Variants in ANKS1B observed in about 807,000 individuals in gnomAD.
ANKS1B encodes ankyrin repeat and sterile alpha motif domain-containing protein 1B.
ANKS1B carries 36 observed loss-of-function variants against 148.3 expected under a neutral mutation model. The observed-to-expected ratio is 0.24, with a 90% CI of 0.19 to 0.32. The LOEUF (loss-of-function observed/expected upper bound fraction) is 0.32. ANKS1B is among the 10% of genes least tolerant of loss of function. ANKS1B has a pLI of 1.00. For missense variants in ANKS1B, 1,157 were observed against 1,542.6 expected (o/e 0.75, Z 4.19); for synonymous variants, 542 against 560.8 (o/e 0.97, Z 0.47).
intron 17 of ANKS1B, among the ~76,000 whole-genome samples, chr12:98,854,116 C>T (rs1434616744): frequency 6.6e-6 from 1 of 152,212 alleles, no homozygotes; most frequent in African/African-American, 2.4e-5. Context: ...TATTCCTCAA[C>T]TTTGGAGTAG....
chr12:99,329,453 T>C lies in ANKS1B; in HGVS notation c.1756+70178A>G, dbSNP rs2087078479. 3.3e-5 allele frequency among the ~76,000 whole-genome samples: 5 copies of C among 151,896 alleles called. No individual in the cohort carries two copies. The South Asian group carries it at 8.3e-4, about 25-fold the overall frequency. On this transcript the variant is annotated intron_variant, in intron 12 of 26. Coordinates refer to ENST00000683438, the MANE Select transcript of ANKS1B (RefSeq NM_001352186.2). ...GCATCTGATCCTTGAGATATATTCC[T>C]TGAAATGAGTTTACAGGGTAAGGTT...
intron 1 of ANKS1B, among the ~76,000 whole-genome samples, chr12:99,933,273 G>A (rs971279008): frequency 6.6e-6 from 1 of 151,936 alleles, no homozygotes; most frequent in African/African-American, 2.4e-5. Flanking sequence ...TAAATTTTAG[G>A]ATTATTTTTT....
chr12:99,120,093 C>T (rs898246219), intron 15 of ANKS1B, among the ~76,000 whole-genome samples: 5 of 152,208 alleles, frequency 3.3e-5, no homozygotes, highest in South Asian at 2.1e-4. Context: ...GCACCCTGGA[C>T]GGGACACCCT....
At chr12:99,381,501 G>A (rs1018119542) in intron 12 of ANKS1B, among the ~76,000 whole-genome samples, 2 of 152,186 alleles carry the variant, frequency 1.3e-5, no homozygotes, top group Non-Finnish European at 2.9e-5. Flanking sequence ...GCTCACAAAG[G>A]GAGACTGGAG....
At chr12:98,923,291 G>T (rs1276403996) in intron 17 of ANKS1B, among the ~76,000 whole-genome samples, 1 of 152,114 alleles carries the variant, frequency 6.6e-6, no homozygotes, top group Non-Finnish European at 1.5e-5. Context: ...GCAGCATGAG[G>T]CCCTCACCAG....
intron 9 of ANKS1B, among the ~76,000 whole-genome samples, chr12:99,640,719 T>C (rs1026688460): frequency 6.6e-6 from 1 of 152,094 alleles, no homozygotes. Context: ...TGGATTGAAA[T>C]GAAAAATGAA....
At chr12:99,929,392 T>C (rs1009717547) in intron 1 of ANKS1B, among the ~76,000 whole-genome samples, 1 of 152,222 alleles carries the variant, frequency 6.6e-6, no homozygotes, top group Non-Finnish European at 1.5e-5. Flanking sequence ...AGATTCTGGA[T>C]ATTAGCCCTT....
At chr12:99,553,791 C>A (rs528828343) in intron 9 of ANKS1B, among the ~76,000 whole-genome samples, 49 of 152,224 alleles carry the variant, frequency 3.2e-4, no homozygotes, top group Admixed American at 8.5e-4. Flanking sequence ...CTCTCCAAAC[C>A]CTTGTAGTTG....
At chr12:99,245,882 A>G (rs1387683656) in intron 13 of ANKS1B, among the ~76,000 whole-genome samples, 3 of 152,226 alleles carry the variant, frequency 2.0e-5, no homozygotes, top group African/African-American at 7.2e-5. Context: ...AAAATATAAG[A>G]TACTTTAAAG....
chr12:99,199,451 C>A (rs558020422), intron 14 of ANKS1B, among the ~76,000 whole-genome samples: 3 of 152,186 alleles, frequency 2.0e-5, no homozygotes, highest in African/African-American at 7.2e-5. Context: ...AGGAAGATAA[C>A]TTCAAGGCAC....
At chr12:98,778,168 C>T (rs1046921327) in intron 24 of ANKS1B, among the ~76,000 whole-genome samples, 7 of 152,094 alleles carry the variant, frequency 4.6e-5, no homozygotes, top group Non-Finnish European at 7.4e-5. Flanking sequence ...GAATAAAGTA[C>T]GATGAAAACA....
intron 18 of ANKS1B, among the ~76,000 whole-genome samples, chr12:98,830,634 G>C (rs934833491): frequency 6.6e-6 from 1 of 152,148 alleles, no homozygotes; most frequent in African/African-American, 2.4e-5. Flanking sequence ...CGATGGTTAC[G>C]TCCGGGTGCC....
intron 12 of ANKS1B, among the ~76,000 whole-genome samples, chr12:99,311,187 C>A (rs1176774673): frequency 6.6e-6 from 1 of 152,106 alleles, no homozygotes; most frequent in Non-Finnish European, 1.5e-5. Context: ...ATAGAATTTA[C>A]TCTTGCCAAT....
intron 17 of ANKS1B, among the ~76,000 whole-genome samples, chr12:99,017,390 C>A (rs1429961655): frequency 6.6e-6 from 1 of 151,992 alleles, no homozygotes; most frequent in Non-Finnish European, 1.5e-5. Context: ...TTTTATCAGC[C>A]CTTACAGATC....
chr12:99,083,585 CCT>C (rs1449292483), intron 16 of ANKS1B, among the ~76,000 whole-genome samples: 1 of 152,082 alleles, frequency 6.6e-6, no homozygotes, highest in African/African-American at 2.4e-5. Context: ...GAATTTTCTT[CCT>C]CTTTTTAAAA....
intron 17 of ANKS1B, among the ~76,000 whole-genome samples, chr12:98,977,226 G>A (rs979710725): frequency 2.0e-5 from 3 of 152,168 alleles, no homozygotes. Flanking sequence ...CAGCAGCTTA[G>A]ACATATTTTT....
At chr12:99,131,807 C>T (rs116536560) in intron 15 of ANKS1B, among the ~76,000 whole-genome samples, 23 of 152,284 alleles carry the variant, frequency 1.5e-4, no homozygotes, top group South Asian at 4.2e-4. Flanking sequence ...AACCGGGCTC[C>T]GTCACCACAG....
intron 1 of ANKS1B, among the ~76,000 whole-genome samples, chr12:99,952,618 T>C (rs538556070): frequency 8.3e-4 from 126 of 152,316 alleles, no homozygotes; most frequent in Middle Eastern, 3.4e-3. Flanking sequence ...GAAAGGTATC[T>C]GGGTGATCTA....
intron 12 of ANKS1B, among the ~76,000 whole-genome samples, chr12:99,254,698 G>T (rs892380841): frequency 2.6e-5 from 4 of 152,130 alleles, no homozygotes; most frequent in African/African-American, 9.7e-5. Context: ...TATCTTCTAA[G>T]GTTGCTGAGA....
Sources: gnomAD v4.1 joint callset for allele counts (sites outside exome capture counted in the v4.1 genomes callset) on GRCh38, gnomAD v4.1.1 for gene constraint, MANE v1.5 for transcripts, NCBI Gene and HGNC (gene_info 2026-07-23, HGNC 2026-07-21) for gene names.